DOK6: variants seen among roughly 807,000 people sequenced by gnomAD.
DOK6 encodes downstream of tyrosine kinase 6.
A neutral mutation model predicts 44.0 loss-of-function variants in DOK6; 22 were observed. That is an observed-to-expected ratio of 0.50 (90% CI 0.36 to 0.71). DOK6 has a LOEUF of 0.71. DOK6 is among the 30% of genes least tolerant of loss of function. The probability of loss-of-function intolerance (pLI) is 0.00; values close to 1 mark genes in which losing one functional copy is unlikely to be tolerated. For missense variants in DOK6, 340 were observed against 416.4 expected (o/e 0.82, Z 1.60); for synonymous variants, 166 against 145.5 (o/e 1.14, Z -1.01).
intron 1 of DOK6, among the ~76,000 whole-genome samples, chr18:69,431,864 G>C (rs989434994): frequency 4.1e-4 from 62 of 152,122 alleles, no homozygotes; most frequent in African/African-American, 1.5e-3. Flanking sequence ...ATAGTACAGA[G>C]AATTCTACAT....
At chr18:69,638,770 GGATTT>G (rs1238284327) in intron 3 of DOK6, among the ~76,000 whole-genome samples, 1 of 152,066 alleles carries the variant, frequency 6.6e-6, no homozygotes, top group African/African-American at 2.4e-5. Flanking sequence ...ATTCTCTAAA[GGATTT>G]GATGCCTGTT....
At chr18:69,789,734 A>C (rs1980536605) in intron 7 of DOK6, among the ~76,000 whole-genome samples, 1 of 152,218 alleles carries the variant, frequency 6.6e-6, no homozygotes. Flanking sequence ...TATTAAACCT[A>C]GTTTTTTCCA....
intron 7 of DOK6, among the ~76,000 whole-genome samples, chr18:69,811,975 A>G (rs556050390): frequency 6.6e-6 from 1 of 152,292 alleles, no homozygotes; most frequent in Non-Finnish European, 1.5e-5. Context: ...TCATGGAGAT[A>G]TATTTGCAAA....
intron 1 of DOK6, among the ~76,000 whole-genome samples, chr18:69,410,647 T>C (rs148811747): frequency 7.4e-4 from 113 of 152,360 alleles, no homozygotes; most frequent in African/African-American, 2.6e-3. Context: ...GTAAATCCTT[T>C]CTGAGGACTT....
At chr18:69,792,218 T>G (rs1035519809) in intron 7 of DOK6, among the ~76,000 whole-genome samples, 5 of 152,176 alleles carry the variant, frequency 3.3e-5, no homozygotes, top group African/African-American at 1.2e-4. Context: ...TTGCTCAGGA[T>G]AGCTTTGGCT....
intron 1 of DOK6, among the ~76,000 whole-genome samples, chr18:69,526,200 A>G (rs1049832313): frequency 2.0e-5 from 3 of 152,034 alleles, no homozygotes; most frequent in African/African-American, 7.2e-5. Flanking sequence ...CATCACCATA[A>G]AAAGAAATCC....
chr18:69,490,308 T>C (rs561305441), intron 1 of DOK6, among the ~76,000 whole-genome samples: 32 of 152,316 alleles, frequency 2.1e-4, no homozygotes, highest in African/African-American at 6.7e-4. Flanking sequence ...TTGTTTTAAC[T>C]GGCAAACTCA....
intron 7 of DOK6, among the ~76,000 whole-genome samples, chr18:69,766,374 T>G (rs377271664): frequency 2.0e-4 from 31 of 152,308 alleles, no homozygotes; most frequent in African/African-American, 7.5e-4. Flanking sequence ...ACCCTGCACA[T>G]GTACCCACTG....
At chr18:69,774,222 G>A (rs1024495432) in intron 7 of DOK6, among the ~76,000 whole-genome samples, 13 of 145,964 alleles carry the variant, frequency 8.9e-5, no homozygotes, top group Non-Finnish European at 1.1e-4. Context: ...GGATAAGATT[G>A]GAGACTATTA....
intron 2 of DOK6, among the ~76,000 whole-genome samples, chr18:69,565,083 A>G (rs1350218739): frequency 6.6e-6 from 1 of 152,204 alleles, no homozygotes; most frequent in Non-Finnish European, 1.5e-5. Context: ...GGAATAAAAT[A>G]TCAATCTCCT....
At chr18:69,775,370 G>A (rs908433470) in intron 7 of DOK6, among the ~76,000 whole-genome samples, 6 of 151,964 alleles carry the variant, frequency 3.9e-5, no homozygotes, top group African/African-American at 1.2e-4. Flanking sequence ...TAATAACAGT[G>A]ATGGTAATAA....
intron 7 of DOK6, among the ~76,000 whole-genome samples, chr18:69,758,753 T>C (rs1168111682): frequency 6.6e-6 from 1 of 152,186 alleles, no homozygotes; most frequent in African/African-American, 2.4e-5. Flanking sequence ...CAATAAAATA[T>C]CTGGGGAAAG....
intron 4 of DOK6, among the ~76,000 whole-genome samples, chr18:69,697,668 G>A (rs80119348): frequency 0.01 from 1,544 of 151,914 alleles, 74 homozygotes; most frequent in East Asian, 0.094. Flanking sequence ...GGAATCAAAG[G>A]CAGCATAACT....
intron 5 of DOK6, among the ~76,000 whole-genome samples, chr18:69,718,372 G>A (rs1986930468): frequency 6.6e-6 from 1 of 152,098 alleles, no homozygotes; most frequent in African/African-American, 2.4e-5. Context: ...GCACACAGCA[G>A]TTGACTGAAA....
At chr18:69,546,209 C>T (rs1460960066) in intron 1 of DOK6, among the ~76,000 whole-genome samples, 2 of 144,674 alleles carry the variant, frequency 1.4e-5, no homozygotes, top group Admixed American at 7.0e-5. Flanking sequence ...CCTGGGAGGT[C>T]GAGGTTGCGG....
At chr18:69,446,980 G>T (rs1979313416) in intron 1 of DOK6, among the ~76,000 whole-genome samples, 1 of 152,132 alleles carries the variant, frequency 6.6e-6, no homozygotes, top group Admixed American at 6.6e-5. Flanking sequence ...CGGGTAGATT[G>T]CAAAAATTTT....
chr18:69,625,740 G>A (rs747180891), intron 3 of DOK6, among the ~76,000 whole-genome samples: 113 of 152,332 alleles, frequency 7.4e-4, no homozygotes, highest in Middle Eastern at 3.4e-3. Context: ...GCCAGGCCCA[G>A]GACTCAATAT....
At chr18:69,515,852 G>A (rs1981507311) in intron 1 of DOK6, among the ~76,000 whole-genome samples, 2 of 151,958 alleles carry the variant, frequency 1.3e-5, no homozygotes, top group African/African-American at 4.8e-5. Context: ...TTTGGTAAAT[G>A]TTACAATTGG....
chr18:69,692,683 A>C (rs190601925), intron 4 of DOK6, among the ~76,000 whole-genome samples: 5 of 152,354 alleles, frequency 3.3e-5, no homozygotes, highest in Admixed American at 2.6e-4. Context: ...ATTTATGCTC[A>C]GATAGGCCCA....
Sources: gnomAD v4.1 joint callset for allele counts (sites outside exome capture counted in the v4.1 genomes callset) on GRCh38, gnomAD v4.1.1 for gene constraint, MANE v1.5 for transcripts, NCBI Gene and HGNC (gene_info 2026-07-23, HGNC 2026-07-21) for gene names.